Variants in CPLX1 observed in about 807,000 individuals in gnomAD.
CPLX1 encodes the protein complexin-1.
Under a neutral mutation model 15.6 loss-of-function variants are expected in CPLX1, and 6 were observed. The ratio of observed to expected loss-of-function variants is 0.39; its 90% CI spans 0.21 to 0.76. The LOEUF is 0.76. CPLX1 is among the 30% of genes least tolerant of loss of function. The pLI is 0.43. For synonymous variants in CPLX1, 91 were observed against 75.2 expected (o/e 1.21, Z -1.08); for missense variants, 242 against 188.6 (o/e 1.28, Z -1.66).
At chr4:787,748 A>G (rs912969195) in intron 3 of CPLX1, 2 of 985,248 alleles carry the variant, frequency 2.0e-6, no homozygotes, top group East Asian at 2.3e-4. Flanking sequence ...TTTGGTTTCT[A>G]GATCAATACG....
At position 791,183 on chromosome 4, in the gene CPLX1, G is replaced by GCGGGGA. The variant is rs1553852540; in HGVS notation, c.207+1249_207+1250insTCCCCG. ...GCCCTGGGTCAGCTGCGGGGCGGGG[G>GCGGGGA]GCGGGGAGCGGGGGGCGGAGGGGTG... On this transcript the variant is annotated intron_variant, in intron 3 of 3. Coordinates refer to ENST00000304062, the MANE Select transcript of CPLX1 (RefSeq NM_006651.4). Among the ~76,000 whole-genome samples, 11 of 149,076 alleles carry GCGGGGA rather than the reference G, an allele frequency of 7.4e-5. No individual in the cohort carries two copies. The East Asian group carries it at 1.8e-3, about 24-fold the overall frequency.
chr4:787,492 TC>T, intron 3 of CPLX1: 1 of 765,140 alleles, frequency 1.3e-6, no homozygotes, highest in Non-Finnish European at 1.6e-6. Context: ...GACGAGGCCA[TC>T]CTGGATTTGA....
At chr4:814,765 G>C (rs1576996577) in intron 2 of CPLX1, among the ~76,000 whole-genome samples, 1 of 152,264 alleles carries the variant, frequency 6.6e-6, no homozygotes, top group Admixed American at 6.5e-5. Context: ...GGCAGAGCCT[G>C]TACATGGAGC....
intron 2 of CPLX1, among the ~76,000 whole-genome samples, chr4:799,170 C>T (rs531819735): frequency 1.3e-5 from 2 of 152,340 alleles, no homozygotes; most frequent in Non-Finnish European, 2.9e-5. Context: ...GTTGGTGAGT[C>T]ATAAGCCCTC....
At chr4:810,217 T>A (rs1199966071) in intron 2 of CPLX1, among the ~76,000 whole-genome samples, 1 of 150,128 alleles carries the variant, frequency 6.7e-6, no homozygotes, top group Non-Finnish European at 1.5e-5. Context: ...GCCCGGCTAA[T>A]TTTTTGTATT....
chr4:787,730 C>T, intron 3 of CPLX1: 2 of 984,346 alleles, frequency 2.0e-6, no homozygotes, highest in African/African-American at 3.5e-5. Context: ...TTTGTCAGGC[C>T]CCGGGGTTTT....
intron 2 of CPLX1, among the ~76,000 whole-genome samples, chr4:821,033 C>A (rs1746852811): frequency 6.6e-6 from 1 of 152,162 alleles, no homozygotes; most frequent in Non-Finnish European, 1.5e-5. Flanking sequence ...AGGACCGCAC[C>A]CCTACGGTGT....
In CPLX1 at chr4:787,370, T is replaced by A. The variant is rs1746031976; in HGVS notation, c.208-672A>T. 1.0e-5 allele frequency: 10 copies of A among 985,344 alleles called. No individual in the cohort carries two copies. The South Asian group carries it at 3.8e-4, about 37-fold the overall frequency. The allele number at this position is 985,344 out of a possible 1,614,324, so 61.0% of individuals were successfully genotyped here. Reference sequence around the variant, plus strand: ...GTTTCTCATCTCCCGTGAGTGCGTCTGCCCTCCGTAGTAGCTGAATATTGT... The same window carrying A: ...GTTTCTCATCTCCCGTGAGTGCGTCAGCCCTCCGTAGTAGCTGAATATTGT... On this transcript the variant is annotated intron_variant, in intron 3 of 3. Coordinates refer to ENST00000304062, the MANE Select transcript of CPLX1 (RefSeq NM_006651.4).
At chr4:809,074 GGA>G (rs1432417770) in intron 2 of CPLX1, among the ~76,000 whole-genome samples, 1 of 152,266 alleles carries the variant, frequency 6.6e-6, no homozygotes, top group African/African-American at 2.4e-5. Context: ...CAGAGCGGGA[GGA>G]GAGTCTGGCG....
chr4:788,666 A>C, intron 3 of CPLX1: 1 of 865,770 alleles, frequency 1.2e-6, no homozygotes, highest in Non-Finnish European at 1.4e-6. Context: ...CAGCAGCTCC[A>C]GGCACGGAAG....
chr4:809,011 T>C (rs1746608882), intron 2 of CPLX1, among the ~76,000 whole-genome samples: 1 of 152,200 alleles, frequency 6.6e-6, no homozygotes, highest in Non-Finnish European at 1.5e-5. Flanking sequence ...AGCGCGCGAG[T>C]GCGCGGGCGG....
chr4:786,694 C>T lies in CPLX1; in HGVS notation c.212G>A (p.Gly71Asp), dbSNP rs1459631550. Residue 71 changes from glycine (G) to aspartate (D), a missense_variant, in exon 4 of 4, where the codon GGC becomes GAC. Coordinates refer to ENST00000304062, the MANE Select transcript of CPLX1 (RefSeq NM_006651.4). ...CTCGCGCTCCTCCTTCTTCTTGATG[C>T]CGTACTGCGGGGGAGGCGGGGGTCA... Reference protein sequence around the residue: ...AVRQGIRDKYGIKKKEEREAE... With the variant: ...AVRQGIRDKYDIKKKEEREAE... 2 of 1,602,466 alleles carry T rather than the reference C, an allele frequency of 1.2e-6. No individual in the cohort carries two copies. Among genetic ancestry groups the T allele is most frequent in the Non-Finnish European group, 1.7e-6 (2 of 1,173,982 alleles).
At chr4:792,391 T>A in intron 3 of CPLX1, 42 bp downstream of exon 3, 1 of 1,481,738 alleles carries the variant, frequency 6.7e-7, no homozygotes, top group East Asian at 2.5e-5. Context: ...CCCGCTGGAC[T>A]CAGGGCCGCC....
intron 2 of CPLX1, among the ~76,000 whole-genome samples, chr4:822,936 G>T (rs1284317034): frequency 3.3e-5 from 5 of 152,214 alleles, no homozygotes; most frequent in African/African-American, 1.2e-4. Context: ...GCCCCCCCAG[G>T]GTCTGCTGGC....
chr4:807,544 G>A (rs1469685971), intron 2 of CPLX1, among the ~76,000 whole-genome samples: 2 of 151,410 alleles, frequency 1.3e-5, no homozygotes, highest in Non-Finnish European at 2.9e-5. Flanking sequence ...GCACAATCTC[G>A]GCTCACTGCA....
chr4:797,248 T>C (rs1177049735), intron 2 of CPLX1, among the ~76,000 whole-genome samples: 2 of 152,226 alleles, frequency 1.3e-5, no homozygotes, highest in African/African-American at 2.4e-5. Flanking sequence ...TTGCTTCTGA[T>C]TGCCAGTCTG....
intron 3 of CPLX1, chr4:787,734 G>A (rs954354457): frequency 3.1e-6 from 3 of 969,814 alleles, no homozygotes; most frequent in South Asian, 4.8e-5. Flanking sequence ...TCAGGCCCCG[G>A]GGTTTTGGTT....
At chr4:789,839 C>CG (rs948865337) in intron 3 of CPLX1, among the ~76,000 whole-genome samples, 104 of 152,324 alleles carry the variant, frequency 6.8e-4, no homozygotes, top group African/African-American at 2.2e-3. Flanking sequence ...CCCAAGATGC[C>CG]GGGGGGTGCC....
chr4:810,641 C>T (rs994256569), intron 2 of CPLX1, among the ~76,000 whole-genome samples: 7 of 152,086 alleles, frequency 4.6e-5, no homozygotes, highest in Non-Finnish European at 8.8e-5. Flanking sequence ...CTTTAATTCC[C>T]GTATCTTCTT....
Sources: gnomAD v4.1 joint callset for allele counts (sites outside exome capture counted in the v4.1 genomes callset) on GRCh38, gnomAD v4.1.1 for gene constraint, MANE v1.5 for transcripts, NCBI Gene and HGNC (gene_info 2026-07-23, HGNC 2026-07-21) for gene names.